The following RASA1 variants were observed in gnomAD, a reference collection of about 807,000 sequenced individuals.
RASA1 encodes the protein RAS p21 protein activator 1, also known as ras GTPase-activating protein 1.
Under a neutral mutation model 132.2 loss-of-function variants are expected in RASA1, and 25 were observed. That is an observed-to-expected ratio of 0.19 (90% CI 0.14 to 0.26). RASA1 has a LOEUF of 0.26. Ranked by LOEUF, RASA1 falls within the 10% of genes least tolerant of loss-of-function variation. RASA1 has a pLI of 1.00. For missense variants in RASA1, 964 were observed against 1,299.2 expected, an observed-to-expected ratio of 0.74 and a Z score of 3.97; for synonymous variants, 477 against 449.9, an observed-to-expected ratio of 1.06 and a Z score of -0.76.
At chr5:87,375,273 CT>C (rs1296713203) in intron 15 of RASA1, among the ~76,000 whole-genome samples, 3 of 148,124 alleles carry the variant, frequency 2.0e-5, no homozygotes, top group Non-Finnish European at 4.5e-5. Context: ...TTTTTTTTTT[CT>C]TTTGAGATGG....
intron 1 of RASA1, among the ~76,000 whole-genome samples, chr5:87,284,642 CAT>C (rs1326938751): frequency 2.6e-5 from 4 of 152,228 alleles, no homozygotes; most frequent in Admixed American, 6.5e-5. Flanking sequence ...TCTTTGGAAT[CAT>C]GTAGTAATTC....
At chr5:87,382,531 CAAGT>C (rs1761792368) in intron 20 of RASA1, among the ~76,000 whole-genome samples, 1 of 151,946 alleles carries the variant, frequency 6.6e-6, no homozygotes, top group Non-Finnish European at 1.5e-5. Flanking sequence ...TTACATGGGG[CAAGT>C]AAGAGGTTAA....
intron 9 of RASA1, among the ~76,000 whole-genome samples, chr5:87,354,523 C>A (rs1759509347): frequency 1.3e-5 from 2 of 152,144 alleles, no homozygotes; most frequent in Admixed American, 1.3e-4. Context: ...TATGTTCTGA[C>A]TGCTTCATTG....
At chr5:87,379,890 C>T (rs754406588) in intron 19 of RASA1, 40 bp downstream of exon 19, 9 of 1,584,736 alleles carry the variant, frequency 5.7e-6, no homozygotes, top group South Asian at 1.1e-5. Context: ...AATTGTGTAT[C>T]TATGTCTTCA....
chr5:87,322,248 C>T (rs1035029285), intron 1 of RASA1, among the ~76,000 whole-genome samples: 1 of 152,164 alleles, frequency 6.6e-6, no homozygotes, highest in African/African-American at 2.4e-5. Flanking sequence ...GTGTGAGCCA[C>T]AGGCAAGCGA....
intron 1 of RASA1, among the ~76,000 whole-genome samples, chr5:87,286,127 G>A (rs1342237202): frequency 2.0e-5 from 3 of 152,010 alleles, no homozygotes; most frequent in Admixed American, 6.6e-5. Flanking sequence ...TCAGCCTCCC[G>A]AGTAGCTGGG....
intron 8 of RASA1, among the ~76,000 whole-genome samples, chr5:87,352,313 C>A (rs1759332282): frequency 6.6e-6 from 1 of 151,384 alleles, no homozygotes; most frequent in Non-Finnish European, 1.5e-5. Context: ...TACACACACA[C>A]ACACATATAT....
chr5:87,317,231 C>G (rs1363532215), intron 1 of RASA1, among the ~76,000 whole-genome samples: 1 of 152,144 alleles, frequency 6.6e-6, no homozygotes, highest in African/African-American at 2.4e-5. Flanking sequence ...TTACATGGTG[C>G]TCTTATTGCA....
At chr5:87,287,489 T>C (rs973975439) in intron 1 of RASA1, among the ~76,000 whole-genome samples, 5 of 137,758 alleles carry the variant, frequency 3.6e-5, no homozygotes, top group Non-Finnish European at 6.2e-5. Flanking sequence ...ATACACACCA[T>C]ATATATACAC....
At chr5:87,305,264 G>A (rs1035802617) in intron 1 of RASA1, among the ~76,000 whole-genome samples, 4 of 152,110 alleles carry the variant, frequency 2.6e-5, no homozygotes, top group Admixed American at 6.6e-5. Context: ...CAGAGCTCCT[G>A]TAACCAAAAT....
intron 1 of RASA1, among the ~76,000 whole-genome samples, chr5:87,304,939 CTTTTTTTTTTT>C (rs756572506): frequency 1.6e-4 from 10 of 64,414 alleles, no homozygotes; most frequent in Middle Eastern, 0.013. Context: ...TCTTTTAGTC[CTTTTTTTTTTT>C]TTTTTTTTTT....
At chr5:87,309,825 G>A (rs1755788125) in intron 1 of RASA1, among the ~76,000 whole-genome samples, 1 of 151,718 alleles carries the variant, frequency 6.6e-6, no homozygotes, top group Admixed American at 6.6e-5. Flanking sequence ...ATTTAATTTG[G>A]CATGGTTTGG....
chr5:87,289,457 G>C (rs1226368115), intron 1 of RASA1, among the ~76,000 whole-genome samples: 3 of 151,912 alleles, frequency 2.0e-5, no homozygotes, highest in African/African-American at 7.3e-5. Context: ...CTGTAAAATG[G>C]TGGTTTTTCC....
intron 1 of RASA1, among the ~76,000 whole-genome samples, chr5:87,276,011 G>A (rs1288437194): frequency 6.6e-6 from 1 of 152,164 alleles, no homozygotes; most frequent in Non-Finnish European, 1.5e-5. Context: ...ATAACCCAGT[G>A]TGCATTAAAT....
intron 11 of RASA1, among the ~76,000 whole-genome samples, chr5:87,366,783 G>A (rs1436553677): frequency 6.6e-6 from 1 of 152,228 alleles, no homozygotes; most frequent in African/African-American, 2.4e-5. Flanking sequence ...TGTAATCCCA[G>A]CACTTCGGGA....
chr5:87,376,570 T>A lies in RASA1; in HGVS notation c.2184+5T>A. Reference sequence around the variant, plus strand: ...GAGTACAGTGAATTTAAAGAGGTATTAAATTATTTATCAGTCTTGTTTTTG... The same window carrying A: ...GAGTACAGTGAATTTAAAGAGGTATAAAATTATTTATCAGTCTTGTTTTTG... On this transcript the variant is annotated splice_donor_5th_base_variant and intron_variant, in intron 16 of 24. Transcript: ENST00000274376. 5 of 1,611,158 alleles carry A rather than the reference T, an allele frequency of 3.1e-6. No individual in the cohort carries two copies. Among genetic ancestry groups the A allele is most frequent in the African/African-American group, 1.3e-5 (1 of 74,964 alleles).
intron 1 of RASA1, among the ~76,000 whole-genome samples, chr5:87,290,457 A>G (rs1265610704): frequency 6.6e-6 from 1 of 152,192 alleles, no homozygotes; most frequent in Non-Finnish European, 1.5e-5. Context: ...ACACTGGCAC[A>G]TTTGTTTCCA....
chr5:87,331,207 G>T, intron 1 of RASA1, 141 bp from the exon 2 acceptor site: 1 of 1,031,568 alleles, frequency 9.7e-7, no homozygotes, highest in Non-Finnish European at 1.5e-6. Flanking sequence ...AGTTAAAATT[G>T]GAATAACTGG....
Position 87,281,644 on chromosome 5 carries a change from G to A in RASA1, c.539+12654G>A, listed in dbSNP as rs1303363304. Among the ~76,000 whole-genome samples the A allele has an allele frequency of 2.6e-5, 4 of 151,504 alleles. No homozygotes were observed. The East Asian group carries it at 5.8e-4, about 22-fold the overall frequency. The stretch of plus-strand genomic sequence containing the variant: ...TGCCCAGGCTGGAGTGCAGTGACAC[G>A]ATCTCGGCTCACTGCAACCTCCGCC... On this transcript the variant is annotated intron_variant, in intron 1 of 24. Transcript: ENST00000274376.
Sources: allele counts gnomAD v4.1 joint callset (sites outside exome capture counted in the v4.1 genomes callset), GRCh38; gene constraint gnomAD v4.1.1; transcripts MANE v1.5; gene names NCBI Gene and HGNC (gene_info 2026-07-23, HGNC 2026-07-21).